The following TBC1D22A variants were observed in gnomAD, a reference collection of about 807,000 sequenced individuals.
The protein encoded by TBC1D22A is TBC1 domain family member 22A.
A neutral mutation model predicts 60.2 loss-of-function variants in TBC1D22A; 38 were observed. The observed-to-expected ratio is 0.63, with a 90% CI of 0.49 to 0.83. The LOEUF (loss-of-function observed/expected upper bound fraction) is 0.83. Ranked by LOEUF, TBC1D22A falls within the 40% of genes least tolerant of loss-of-function variation. TBC1D22A has a pLI of 0.00. For synonymous variants in TBC1D22A, 302 were observed against 281.7 expected, an observed-to-expected ratio of 1.07 and a Z score of -0.72; for missense variants, 628 against 701.0, an observed-to-expected ratio of 0.90 and a Z score of 1.18.
intron 4 of TBC1D22A, among the ~76,000 whole-genome samples, chr22:46,868,705 G>A (rs760500282): frequency 7.2e-5 from 11 of 152,114 alleles, no homozygotes; most frequent in Non-Finnish European, 1.2e-4. Context: ...CAGTTTAGCC[G>A]TATTTATTAA....
chr22:47,010,759 T>C (rs1043577705), intron 10 of TBC1D22A, among the ~76,000 whole-genome samples: 8 of 152,206 alleles, frequency 5.3e-5, no homozygotes, highest in African/African-American at 1.9e-4. Flanking sequence ...TGATTTAATG[T>C]GCTTTCCATT....
chr22:46,805,689 G>A (rs913515777), intron 4 of TBC1D22A, among the ~76,000 whole-genome samples: 2 of 152,246 alleles, frequency 1.3e-5, no homozygotes, highest in East Asian at 3.9e-4. Flanking sequence ...CTTTCAAACC[G>A]GGATTCTGGA....
At chr22:47,139,834 C>G (rs1226533430) in intron 12 of TBC1D22A, among the ~76,000 whole-genome samples, 1 of 152,240 alleles carries the variant, frequency 6.6e-6, no homozygotes, top group African/African-American at 2.4e-5. Flanking sequence ...CCAGATAATC[C>G]CGTTGTAATA....
intron 4 of TBC1D22A, among the ~76,000 whole-genome samples, chr22:46,870,093 T>C (rs2067234338): frequency 6.6e-6 from 1 of 152,206 alleles, no homozygotes; most frequent in Non-Finnish European, 1.5e-5. Flanking sequence ...TGTTTCCCCA[T>C]GTATTGTCTC....
chr22:47,088,901 A>T (rs567094839), intron 11 of TBC1D22A, among the ~76,000 whole-genome samples: 1 of 152,150 alleles, frequency 6.6e-6, no homozygotes, highest in South Asian at 2.1e-4. Context: ...ACACACACAG[A>T]TCCCATCTGC....
At chr22:46,928,879 G>A (rs1266138305) in intron 8 of TBC1D22A, among the ~76,000 whole-genome samples, 1 of 152,096 alleles carries the variant, frequency 6.6e-6, no homozygotes, top group East Asian at 1.9e-4. Context: ...CACAAGGATG[G>A]CTACTATCAA....
chr22:46,957,981 C>G (rs2073296200), intron 8 of TBC1D22A, among the ~76,000 whole-genome samples: 1 of 151,766 alleles, frequency 6.6e-6, no homozygotes, highest in Non-Finnish European at 1.5e-5. Context: ...ATGGCAGAAC[C>G]CCCACAGAGC....
intron 4 of TBC1D22A, among the ~76,000 whole-genome samples, chr22:46,800,161 G>A (rs146784685): frequency 1.3e-5 from 2 of 152,110 alleles, no homozygotes; most frequent in Non-Finnish European, 2.9e-5. Flanking sequence ...CAGCCCCTGC[G>A]GTTGGGCAGC....
intron 9 of TBC1D22A, among the ~76,000 whole-genome samples, chr22:46,981,227 A>G (rs1033109325): frequency 1.3e-5 from 2 of 150,518 alleles, no homozygotes; most frequent in African/African-American, 2.5e-5. Context: ...ATTTCTGCAC[A>G]TGTACATAAG....
rs146718009 is a variant in TBC1D22A, at chr22:47,068,792, A to G, written c.1329+31594A>G. Among the ~76,000 whole-genome samples, 859 of 152,354 alleles carry G rather than the reference A, an allele frequency of 5.6e-3. 17 individuals carry two copies. Among genetic ancestry groups the G allele is most frequent in the Middle Eastern group, 0.01 (3 of 294 alleles). On this transcript the variant is annotated intron_variant, in intron 11 of 12. Transcript: ENST00000337137. ...ACATGCAAATGAGGCCAGGGTGCAG[A>G]TTGTGGTAGAACAATGCTGGCAGCC...
At chr22:46,894,728 T>C in intron 6 of TBC1D22A, 56 bp from the exon 7 acceptor site, 1 of 1,596,280 alleles carries the variant, frequency 6.3e-7, no homozygotes, top group Non-Finnish European at 8.6e-7. Flanking sequence ...ATCATATCGC[T>C]CGTAATGATG....
chr22:46,876,905 C>G (rs761488526), intron 4 of TBC1D22A, among the ~76,000 whole-genome samples: 2 of 152,234 alleles, frequency 1.3e-5, no homozygotes, highest in Admixed American at 1.3e-4. Flanking sequence ...GCTTCCCTGT[C>G]GACCCCATTC....
chr22:47,078,003 A>G (rs2064299179), intron 11 of TBC1D22A, among the ~76,000 whole-genome samples: 1 of 152,160 alleles, frequency 6.6e-6, no homozygotes, highest in Admixed American at 6.5e-5. Flanking sequence ...TGCCTTGCCC[A>G]GCAGCATCTT....
chr22:46,845,652 A>G (rs1043840706), intron 4 of TBC1D22A, among the ~76,000 whole-genome samples: 3 of 152,246 alleles, frequency 2.0e-5, no homozygotes, highest in Non-Finnish European at 2.9e-5. Context: ...TTAATTGTTC[A>G]TGCAAGCCAG....
At chr22:46,816,104 G>A (rs755700650) in intron 4 of TBC1D22A, among the ~76,000 whole-genome samples, 4 of 152,130 alleles carry the variant, frequency 2.6e-5, no homozygotes, top group South Asian at 2.1e-4. Context: ...TGGCCCTCTG[G>A]CTGCTGCGAG....
intron 4 of TBC1D22A, among the ~76,000 whole-genome samples, chr22:46,828,398 A>G (rs893252634): frequency 2.6e-5 from 4 of 152,236 alleles, no homozygotes; most frequent in Non-Finnish European, 5.9e-5. Flanking sequence ...CAACATGTCC[A>G]CTTGAAGAAC....
At chr22:46,945,472 C>T (rs2072477601) in intron 8 of TBC1D22A, among the ~76,000 whole-genome samples, 2 of 152,154 alleles carry the variant, frequency 1.3e-5, no homozygotes, top group South Asian at 2.1e-4. Context: ...CCCTGTTTTA[C>T]AAGAGATTGA....
chr22:47,007,041 C>T (rs1186513255), intron 10 of TBC1D22A, among the ~76,000 whole-genome samples: 1 of 152,152 alleles, frequency 6.6e-6, no homozygotes. Flanking sequence ...GCCATGTGCT[C>T]GATGGTGCGG....
intron 12 of TBC1D22A, among the ~76,000 whole-genome samples, chr22:47,123,848 C>T (rs541714687): frequency 3.9e-5 from 6 of 152,194 alleles, no homozygotes; most frequent in East Asian, 1.9e-4. Flanking sequence ...CAGGGTCATG[C>T]GTGCTGTGAG....
Sources: allele counts gnomAD v4.1 joint callset (sites outside exome capture counted in the v4.1 genomes callset), GRCh38; gene constraint gnomAD v4.1.1; transcripts MANE v1.5; gene names NCBI Gene and HGNC (gene_info 2026-07-23, HGNC 2026-07-21).